PCDH11X: variants seen among roughly 807,000 people sequenced by gnomAD.
The protein encoded by PCDH11X is protocadherin 11 X-linked, also known as protocadherin-11 X-linked.
In PCDH11X, 18 loss-of-function variants were observed where a neutral mutation model predicts 53.3. That is an observed-to-expected ratio of 0.34 (90% CI 0.23 to 0.50). PCDH11X has a LOEUF of 0.50. Among genes scored for constraint, PCDH11X ranks in the 20% least tolerant of loss-of-function variants. PCDH11X has a pLI of 0.98. For missense variants in PCDH11X, 570 were observed against 1,032.4 expected (o/e 0.55, Z 6.14); for synonymous variants, 279 against 393.3 (o/e 0.71, Z 3.44).
chrX:91,960,802 G>C (rs1331919501), intron 6 of PCDH11X, among the ~76,000 whole-genome samples: 1 of 110,442 alleles, frequency 9.1e-6, no homozygotes, highest in African/African-American at 3.3e-5. Flanking sequence ...TTATTTTGAG[G>C]GTCTTGCTAT....
intron 6 of PCDH11X, among the ~76,000 whole-genome samples, chrX:92,105,976 T>C (rs1484415933): frequency 9.0e-6 from 1 of 111,600 alleles, no homozygotes; most frequent in Non-Finnish European, 1.9e-5. Context: ...AGAGTTTCTG[T>C]ATGTAGATAT....
intron 10 of PCDH11X, among the ~76,000 whole-genome samples, chrX:92,478,344 G>GT (rs750093158): frequency 9.0e-5 from 10 of 111,003 alleles, no homozygotes; most frequent in Admixed American, 1.9e-4. Flanking sequence ...TCTTTTGAAT[G>GT]TTTTTTCCTG....
At chrX:91,971,532 T>C (rs111370940) in intron 6 of PCDH11X, among the ~76,000 whole-genome samples, 2,413 of 110,761 alleles carry the variant, frequency 0.022, 62 homozygotes, top group African/African-American at 0.074. Context: ...TAAGTGGCCA[T>C]ATAATCATGA....
intron 4 of PCDH11X, among the ~76,000 whole-genome samples, chrX:91,822,090 G>C (rs975165863): frequency 1.3e-4 from 14 of 109,277 alleles, no homozygotes; most frequent in African/African-American, 4.5e-4. Context: ...ATTTTATTGA[G>C]GATTTTTGCA....
At chrX:92,470,821 G>A (rs2073247310) in intron 10 of PCDH11X, among the ~76,000 whole-genome samples, 1 of 109,751 alleles carries the variant, frequency 9.1e-6, no homozygotes, top group Non-Finnish European at 1.9e-5. Flanking sequence ...GATGAATGAT[G>A]TTTTCAATGT....
At position 92,621,965 on chromosome X, in the gene PCDH11X, T is replaced by C. The variant is rs765317357; in HGVS notation, c.*3025T>C. 33 of 104,491 alleles carry C rather than the reference T, an allele frequency of 3.2e-4. No individual in the cohort carries two copies. The highest frequency in any genetic ancestry group is 1.0e-3 in the African/African-American group (29 of 28,658). 8.6% of individuals were successfully genotyped at this position (104,491 alleles called of 1,213,427 possible). A position where few individuals can be genotyped will look rare whatever the true frequency, so the allele number is the denominator to read the frequency against. ...TATTACTATATCACACTTGTGAGTATGTATTCAAATACTAAGTATCTTATA... is the reference window on the plus strand; with the variant it reads ...TATTACTATATCACACTTGTGAGTACGTATTCAAATACTAAGTATCTTATA... On this transcript the variant is annotated 3_prime_UTR_variant, in exon 11 of 11. Transcript: ENST00000682573.
chrX:92,364,220 T>C (rs2070410717), intron 8 of PCDH11X, among the ~76,000 whole-genome samples: 1 of 111,447 alleles, frequency 9.0e-6, no homozygotes, highest in African/African-American at 3.3e-5. Flanking sequence ...GTTAGGGGAT[T>C]TTGTGACTGT....
Position 92,618,895 on chromosome X carries a change from A to T in PCDH11X, c.3999A>T (p.Arg1333Ser). Residue 1333 changes from arginine (R) to serine (S), a missense_variant, in exon 11 of 11, where the codon AGA (arginine) becomes AGT (serine). Coordinates refer to ENST00000682573, the MANE Select transcript of PCDH11X (RefSeq NM_032968.5). ...LTTFTPRQQA[R>S]PSRGDSPIME... is the part of the protein sequence containing the mutation. ...CCTTCACTCCACGCCAACAGGCCAG[A>T]CCGTCCAGAGGTGATTCCCCCATTA... The T allele has an allele frequency of 8.2e-7, 1 of 1,212,153 alleles. No homozygotes were observed. The highest frequency in any genetic ancestry group is 1.1e-6 in the Non-Finnish European group (1 of 895,533).
intron 6 of PCDH11X, among the ~76,000 whole-genome samples, chrX:92,130,014 G>A (rs1029384674): frequency 2.5e-4 from 28 of 111,374 alleles, no homozygotes; most frequent in Admixed American, 3.8e-4. Context: ...CCAAATTTAG[G>A]ATCTGATTTT....
At chrX:91,992,952 G>A (rs1490188968) in intron 6 of PCDH11X, among the ~76,000 whole-genome samples, 1 of 111,134 alleles carries the variant, frequency 9.0e-6, no homozygotes, top group East Asian at 2.8e-4. Flanking sequence ...CAGAGTTTGG[G>A]AGGAATAACC....
intron 6 of PCDH11X, among the ~76,000 whole-genome samples, chrX:92,184,396 A>G (rs889715897): frequency 5.3e-5 from 6 of 112,167 alleles, no homozygotes; most frequent in African/African-American, 1.9e-4. Context: ...TGTTAAAATG[A>G]CCATACTACC....
At chrX:92,415,595 A>G (rs2071790507) in intron 9 of PCDH11X, among the ~76,000 whole-genome samples, 1 of 112,027 alleles carries the variant, frequency 8.9e-6, no homozygotes, top group Non-Finnish European at 1.9e-5. Context: ...TTTGCATTAA[A>G]GGAAGAGGAT....
chrX:91,841,110 T>C (rs1170460179), intron 5 of PCDH11X, among the ~76,000 whole-genome samples: 2 of 110,667 alleles, frequency 1.8e-5, no homozygotes. Flanking sequence ...ATTATCAAAG[T>C]ACACTTCCAC....
intron 5 of PCDH11X, among the ~76,000 whole-genome samples, chrX:91,840,220 G>C (rs1403671869): frequency 9.0e-6 from 1 of 111,370 alleles, no homozygotes; most frequent in African/African-American, 3.3e-5. Context: ...TTTATTTTCT[G>C]CTTCAAATTT....
intron 8 of PCDH11X, among the ~76,000 whole-genome samples, chrX:92,285,622 T>C (rs2068353737): frequency 9.0e-6 from 1 of 111,094 alleles, no homozygotes; most frequent in Non-Finnish European, 1.9e-5. Flanking sequence ...TAGGTTTGAA[T>C]TTTGTCAGGG....
chrX:92,529,440 A>G (rs776919998), intron 10 of PCDH11X, among the ~76,000 whole-genome samples: 1 of 110,124 alleles, frequency 9.1e-6, no homozygotes, highest in Admixed American at 9.8e-5. Context: ...ATTTGTGTTC[A>G]TAGATCTTGG....
intron 6 of PCDH11X, among the ~76,000 whole-genome samples, chrX:92,143,339 G>A (rs2065218489): frequency 8.9e-6 from 1 of 112,308 alleles, no homozygotes; most frequent in Non-Finnish European, 1.9e-5. Context: ...GACTTTCACA[G>A]CAGCCCCTCC....
intron 10 of PCDH11X, among the ~76,000 whole-genome samples, chrX:92,521,477 A>G (rs2074369297): frequency 9.0e-6 from 1 of 111,647 alleles, no homozygotes; most frequent in Non-Finnish European, 1.9e-5. Flanking sequence ...ATGTGCTGTC[A>G]TTCAGGCTTT....
chrX:91,812,615 C>T (rs1281752145), intron 4 of PCDH11X, among the ~76,000 whole-genome samples: 1 of 111,448 alleles, frequency 9.0e-6, no homozygotes, highest in African/African-American at 3.3e-5. Context: ...CCATAGTTTT[C>T]CCCAGTTAAG....
Sources: allele counts gnomAD v4.1 joint callset (sites outside exome capture counted in the v4.1 genomes callset), GRCh38; gene constraint gnomAD v4.1.1; transcripts MANE v1.5; gene names NCBI Gene and HGNC (gene_info 2026-07-23, HGNC 2026-07-21).